Variants in HIVEP3 observed in about 807,000 individuals in gnomAD.
The protein encoded by HIVEP3 is transcription factor HIVEP3.
In HIVEP3, 49 loss-of-function variants were observed where a neutral mutation model predicts 152.8. That is an observed-to-expected ratio of 0.32 (90% CI 0.26 to 0.41). The LOEUF is 0.41. HIVEP3 is among the 10% of genes least tolerant of loss of function. HIVEP3 has a pLI of 1.00. For missense variants in HIVEP3, 2,790 were observed against 3,103.3 expected (o/e 0.90, Z 2.40); for synonymous variants, 1,269 against 1,289.0 (o/e 0.98, Z 0.33).
chr1:41,526,484 T>G (rs1642918614), intron 5 of HIVEP3, among the ~76,000 whole-genome samples: 1 of 58,374 alleles, frequency 1.7e-5, no homozygotes, highest in African/African-American at 7.0e-5. Flanking sequence ...ACCTTCACAC[T>G]CACCTTCACA....
At chr1:41,528,051 C>CTAT (rs138166780) in intron 5 of HIVEP3, among the ~76,000 whole-genome samples, 1 of 124,818 alleles carries the variant, frequency 8.0e-6, no homozygotes, top group Non-Finnish European at 1.6e-5. Context: ...CTCCACACCC[C>CTAT]CCTCACTTAC....
chr1:41,804,719 AT>A (rs1650500424), intron 1 of HIVEP3, among the ~76,000 whole-genome samples: 1 of 152,212 alleles, frequency 6.6e-6, no homozygotes, highest in Admixed American at 6.5e-5. Flanking sequence ...CTCTACGACT[AT>A]CTAGAAAAAT....
chr1:41,789,682 A>G (rs902530741), intron 1 of HIVEP3, among the ~76,000 whole-genome samples: 3 of 152,230 alleles, frequency 2.0e-5, no homozygotes, highest in African/African-American at 7.2e-5. Context: ...AATTGCCAAG[A>G]TGGGGCACAC....
At chr1:41,536,819 C>T (rs773019046) in intron 5 of HIVEP3, among the ~76,000 whole-genome samples, 1 of 152,154 alleles carries the variant, frequency 6.6e-6, no homozygotes, top group African/African-American at 2.4e-5. Context: ...ATGGGGCTGT[C>T]ATGATTCCCA....
chr1:41,529,498 C>A (rs1643168304), intron 5 of HIVEP3, among the ~76,000 whole-genome samples: 1 of 124,174 alleles, frequency 8.1e-6, no homozygotes, highest in Admixed American at 8.2e-5. Flanking sequence ...ATACTCCACA[C>A]CCCATCCTCA....
At chr1:41,852,932 A>C (rs1380914753) in intron 1 of HIVEP3, among the ~76,000 whole-genome samples, 1 of 152,238 alleles carries the variant, frequency 6.6e-6, no homozygotes, top group African/African-American at 2.4e-5. Flanking sequence ...GTCCTTGGGA[A>C]GACAAACACA....
At chr1:41,753,741 G>A (rs1273924539) in intron 1 of HIVEP3, among the ~76,000 whole-genome samples, 1 of 151,926 alleles carries the variant, frequency 6.6e-6, no homozygotes, top group Non-Finnish European at 1.5e-5. Context: ...TTCTAATGAG[G>A]GGCTGTTTAC....
intron 1 of HIVEP3, among the ~76,000 whole-genome samples, chr1:41,882,492 T>C (rs1644278608): frequency 6.6e-6 from 1 of 152,156 alleles, no homozygotes; most frequent in African/African-American, 2.4e-5. Flanking sequence ...GAAGGGATAA[T>C]TAAACTAGGA....
intron 1 of HIVEP3, among the ~76,000 whole-genome samples, chr1:41,964,010 G>A (rs1645183870): frequency 6.6e-6 from 1 of 152,230 alleles, no homozygotes; most frequent in Admixed American, 6.5e-5. Flanking sequence ...AAGAAGATAT[G>A]TTGACGTCCT....
At chr1:41,696,598 C>T (rs556736972) in intron 2 of HIVEP3, among the ~76,000 whole-genome samples, 4 of 152,356 alleles carry the variant, frequency 2.6e-5, no homozygotes, top group African/African-American at 9.6e-5. Context: ...AAGCAGCCAC[C>T]CGGGCAGGAG....
intron 1 of HIVEP3, among the ~76,000 whole-genome samples, chr1:41,816,851 C>T (rs1651302878): frequency 6.6e-6 from 1 of 152,176 alleles, no homozygotes; most frequent in Non-Finnish European, 1.5e-5. Context: ...ATGCTCTTGC[C>T]CTCTGCTAGC....
intron 4 of HIVEP3, 52 bp from the exon 5 acceptor site, chr1:41,575,741 A>C: frequency 6.3e-7 from 1 of 1,587,992 alleles, no homozygotes; most frequent in Non-Finnish European, 8.6e-7. Flanking sequence ...GTGCATCCTC[A>C]GTCACGAATG....
At chr1:41,667,916 C>T (rs189712921) in intron 2 of HIVEP3, among the ~76,000 whole-genome samples, 33 of 152,244 alleles carry the variant, frequency 2.2e-4, no homozygotes, top group African/African-American at 7.7e-4. Context: ...CTATGATGAA[C>T]AAGACCTAGT....
At chr1:41,835,614 T>A (rs1221879934) in intron 1 of HIVEP3, among the ~76,000 whole-genome samples, 2 of 152,244 alleles carry the variant, frequency 1.3e-5, no homozygotes, top group African/African-American at 4.8e-5. Flanking sequence ...CATGGTTAAC[T>A]TCAGACAAAC....
Position 41,582,764 on chromosome 1 carries a change from G to A in HIVEP3, c.2034C>T (p.Gly678=), listed in dbSNP as rs367639499. 1.2e-6 allele frequency: 2 copies of A among 1,614,200 alleles called. No individual in the cohort carries two copies. Among genetic ancestry groups the A allele is most frequent in the Admixed American group, 3.3e-5 (2 of 60,028 alleles). Residue 678 remains glycine, a synonymous_variant, in exon 4 of 9, where the codon GGC becomes GGT. Transcript: ENST00000372583. The surrounding 1 kb of genome is among the most constrained non-coding windows in gnomAD (Gnocchi z 4.7). ...ELQIAKPISA[G]THTSPEAEKS... ...TTTCAGCTTCTGGAGATGTGTGGGT[G>A]CCTGCAGAGATGGGCTTTGCGATCT...
intron 1 of HIVEP3, among the ~76,000 whole-genome samples, chr1:41,974,136 T>C (rs1235253169): frequency 2.0e-5 from 3 of 151,646 alleles, no homozygotes; most frequent in Admixed American, 6.6e-5. Context: ...GGGGTGGAGG[T>C]AGAGACTGGA....
At position 41,718,339 on chromosome 1, in the gene HIVEP3, C is replaced by T. The variant is rs540560928; in HGVS notation, c.-800-17344G>A. 4.9e-4 allele frequency among the ~76,000 whole-genome samples: 74 copies of T among 152,322 alleles called. 1 individual carries two copies. Among genetic ancestry groups the T allele is most frequent in the Non-Finnish European group, 7.9e-4 (54 of 68,036 alleles). ...GGTCTGTACCCTACGCTTGCTATGTCGTGGAATCTTTCTAAATCTCAGCTT... is the reference window on the plus strand; with the variant it reads ...GGTCTGTACCCTACGCTTGCTATGTTGTGGAATCTTTCTAAATCTCAGCTT... On this transcript the variant is annotated intron_variant, in intron 1 of 8. Coordinates refer to ENST00000372583, the MANE Select transcript of HIVEP3 (RefSeq NM_024503.5).
intron 1 of HIVEP3, among the ~76,000 whole-genome samples, chr1:41,789,558 C>G (rs891754190): frequency 1.3e-5 from 2 of 152,156 alleles, no homozygotes; most frequent in African/African-American, 4.8e-5. Flanking sequence ...TACAATCAAG[C>G]TCATAATTTG....
chr1:41,613,177 G>A (rs996230684), intron 3 of HIVEP3, among the ~76,000 whole-genome samples: 1 of 152,220 alleles, frequency 6.6e-6, no homozygotes, highest in East Asian at 1.9e-4. Context: ...GACAAGCTGC[G>A]TCCTCTCCAA....
Sources: gnomAD v4.1 joint callset for allele counts (sites outside exome capture counted in the v4.1 genomes callset) on GRCh38, gnomAD v4.1.1 for gene constraint, Gnocchi (gnomAD v3.1) non-coding constraint, MANE v1.5 for transcripts, NCBI Gene and HGNC (gene_info 2026-07-23, HGNC 2026-07-21) for gene names.